Variants in OPALIN observed in about 807,000 individuals in gnomAD.
The protein encoded by OPALIN is oligodendrocytic myelin paranodal and inner loop protein.
OPALIN carries 15 observed loss-of-function variants against 17.8 expected under a neutral mutation model. The observed-to-expected ratio is 0.84, with a 90% CI of 0.56 to 1.29. The LOEUF (loss-of-function observed/expected upper bound fraction) is 1.29, where lower values mean the gene tolerates loss of function less well. Ranked by LOEUF, OPALIN falls within the 50% of genes most tolerant of loss-of-function variation. The pLI is 0.00. For synonymous variants in OPALIN, 62 were observed against 63.8 expected, an observed-to-expected ratio of 0.97 and a Z score of 0.14; for missense variants, 170 against 176.0, an observed-to-expected ratio of 0.97 and a Z score of 0.19.
chr10:96,351,523 T>C, intron 2 of OPALIN, 113 bp from the exon 3 acceptor site: 1 of 550,232 alleles, frequency 1.8e-6, no homozygotes, highest in South Asian at 3.6e-5. Context: ...ATCCCTTTGC[T>C]AAACTTTCTG....
At chr10:96,352,540 A>T (rs982798076) in intron 2 of OPALIN, among the ~76,000 whole-genome samples, 2 of 151,830 alleles carry the variant, frequency 1.3e-5, no homozygotes, top group Admixed American at 1.3e-4. Context: ...CCTAATCACA[A>T]TCTCCCCAAC....
At chr10:96,356,265 C>T (rs553050431) in intron 1 of OPALIN, among the ~76,000 whole-genome samples, 7 of 152,318 alleles carry the variant, frequency 4.6e-5, no homozygotes, top group African/African-American at 1.7e-4. Context: ...ACCACAGCTT[C>T]CCGTCTTTCC....
chr10:96,356,300 A>G (rs1480986170), intron 1 of OPALIN, among the ~76,000 whole-genome samples: 1 of 152,212 alleles, frequency 6.6e-6, no homozygotes, highest in Non-Finnish European at 1.5e-5. Context: ...AGATTCTGTC[A>G]TTGTAGAAAC....
rs772639220 is a variant in OPALIN at position 96,349,728 on chromosome 10, T to G, written c.171A>C (p.Arg57Ser). 43 of 1,614,018 alleles carry G rather than the reference T, an allele frequency of 2.7e-5. No individual in the cohort carries two copies. The highest frequency in any genetic ancestry group is 3.5e-5 in the Non-Finnish European group (41 of 1,179,938). ...TCACCTCCATGGCCTCAATGCTGCT[T>G]CTTCTTCGGTGAATCAAAGTAAATA... Reference protein sequence around the residue: ...ALLFTLIHRRRSSIEAMEESD... With the variant: ...ALLFTLIHRRSSSIEAMEESD... Residue 57 changes from arginine to serine, a missense_variant, in exon 4 of 6, where the codon AGA (arginine) becomes AGC (serine). Coordinates refer to ENST00000371172, the MANE Select transcript of OPALIN (RefSeq NM_033207.5).
chr10:96,356,969 T>TA, intron 1 of OPALIN: 3 of 985,444 alleles, frequency 3.0e-6, no homozygotes. Context: ...GCAACTCCAG[T>TA]AGTCTCTGTG....
intron 3 of OPALIN, 113 bp downstream of exon 3, chr10:96,351,265 A>T: frequency 1.4e-6 from 1 of 706,498 alleles, no homozygotes; most frequent in Non-Finnish European, 2.5e-6. Flanking sequence ...CTTGAGCCAG[A>T]TTCTGTGCTT....
intron 2 of OPALIN, among the ~76,000 whole-genome samples, chr10:96,352,547 C>CT (rs1196576279): frequency 1.3e-5 from 2 of 151,992 alleles, no homozygotes; most frequent in African/African-American, 2.4e-5. Context: ...ACAATCTCCC[C>CT]AACCCCTACC....
At chr10:96,354,694 TG>T (rs958688745) in intron 2 of OPALIN, among the ~76,000 whole-genome samples, 1 of 150,506 alleles carries the variant, frequency 6.6e-6, no homozygotes, top group Admixed American at 6.6e-5. Flanking sequence ...GGTGTTTTAT[TG>T]TTGTTGTTGT....
At chr10:96,354,538 G>A (rs893863312) in intron 2 of OPALIN, among the ~76,000 whole-genome samples, 4 of 151,988 alleles carry the variant, frequency 2.6e-5, no homozygotes, top group Non-Finnish European at 5.9e-5. Context: ...TAACAGTTAT[G>A]GTTATAAAGA....
chr10:96,352,863 T>C (rs918192099), intron 2 of OPALIN, among the ~76,000 whole-genome samples: 1 of 152,208 alleles, frequency 6.6e-6, no homozygotes, highest in African/African-American at 2.4e-5. Context: ...CTGCCTGTAC[T>C]GTTCTCTGAT....
At position 96,348,921 on chromosome 10, in the gene OPALIN, T is replaced by G. The variant is rs559369416; in HGVS notation, c.193-576A>C. 3.9e-5 allele frequency among the ~76,000 whole-genome samples: 6 copies of G among 152,332 alleles called. No homozygotes were observed. The East Asian group carries it at 1.2e-3, about 29-fold the overall frequency. On this transcript the variant is annotated intron_variant, in intron 4 of 5. Coordinates refer to ENST00000371172, the MANE Select transcript of OPALIN (RefSeq NM_033207.5). ...TTATCTCATTTCATCCTTATAACTT[T>G]CCCTACCTCTTAAAATAGGGAGGGT...
rs777904182 is a variant in OPALIN at position 96,345,968 on chromosome 10, C to T, written c.399G>A (p.Trp133Ter). The change falls in exon 6 of 6, where the codon TGG becomes TGA. Residue 133 changes from tryptophan to a stop codon, truncating the protein, a stop_gained. Coordinates refer to ENST00000371172, the MANE Select transcript of OPALIN (RefSeq NM_033207.5). LOFTEE classifies it high-confidence loss of function. ...IEMERRRGLW[W>*]LVPRLSLE is the part of the protein sequence containing the mutation. ...ATTCCAGGCTCAGTCTGGGCACAAG[C>T]CACCACAATCCCCTCCTTCTTTCCA... The T allele has an allele frequency of 6.2e-7, 1 of 1,614,150 alleles. No homozygotes were observed. Among genetic ancestry groups the T allele is most frequent in the Non-Finnish European group, 8.5e-7 (1 of 1,179,990 alleles).
Position 96,355,288 on chromosome 10 carries a change from ACT to A in OPALIN, c.4_5del (p.Ser2PhefsTer59), listed in dbSNP as rs1438545308. On this transcript the variant is annotated frameshift_variant and splice_region_variant, in exon 2 of 6. Transcript: ENST00000371172. LOFTEE classifies it high-confidence loss of function. Reference sequence around the variant, plus strand: ...CCGGCAGGGTGAAGTTCAGTGAAAAACTCTGCAAGATAGAAGTAAACATTAAA... The same window carrying A: ...CCGGCAGGGTGAAGTTCAGTGAAAAACTGCAAGATAGAAGTAAACATTAAA... M[S>X]FSLNFTLPAN... is the part of the protein sequence containing the mutation. The A allele has an allele frequency of 1.2e-6, 2 of 1,613,240 alleles. No homozygotes were observed. The highest frequency in any genetic ancestry group is 1.7e-6 in the Non-Finnish European group (2 of 1,179,794).
chr10:96,358,820 T>G, intron 1 of OPALIN, 74 bp downstream of exon 1: 2 of 1,460,214 alleles, frequency 1.4e-6, no homozygotes, highest in South Asian at 1.1e-5. Context: ...TCATTGTACA[T>G]TTAATTGAAT....
intron 2 of OPALIN, chr10:96,353,386 A>C: frequency 6.2e-7 from 1 of 1,609,392 alleles, no homozygotes. Context: ...CAGGCTACCC[A>C]GCTGCACTGA....
intron 5 of OPALIN, among the ~76,000 whole-genome samples, chr10:96,346,848 T>C (rs113195657): frequency 6.6e-6 from 1 of 152,188 alleles, no homozygotes; most frequent in Admixed American, 6.5e-5. Context: ...TTATTTTCCA[T>C]AAAGGTATTA....
chr10:96,349,815 G>C lies in OPALIN; in HGVS notation c.84C>G (p.Pro28=). Residue 28 remains proline, a synonymous_variant, in exon 4 of 6, where the codon CCC becomes CCG. Transcript: ENST00000371172. ...VTGGKETDCG[P]SLGLAAGIPL... is the part of the protein sequence containing the mutation. ...GTATGCCCGCCGCTAATCCAAGAGA[G>C]GGCCCACAGTCCTGGCACAGAATGA... is the stretch of plus-strand genomic sequence containing the variant. 6.2e-7 allele frequency: 1 copy of C among 1,613,570 alleles called. No homozygotes were observed. Among genetic ancestry groups the C allele is most frequent in the South Asian group, 1.1e-5 (1 of 91,006 alleles).
intron 1 of OPALIN, 99 bp from the exon 2 acceptor site, chr10:96,355,389 A>G (rs1845777497): frequency 9.1e-7 from 1 of 1,097,140 alleles, no homozygotes; most frequent in Non-Finnish European, 1.4e-6. Context: ...CCGAGAGGTC[A>G]TTGATCCTAT....
At chr10:96,346,361 C>T (rs1396781709) in intron 5 of OPALIN, among the ~76,000 whole-genome samples, 1 of 152,172 alleles carries the variant, frequency 6.6e-6, no homozygotes, top group Non-Finnish European at 1.5e-5. Flanking sequence ...GCTTTCAGGC[C>T]ACTCAACTAT....
Sources: gnomAD v4.1 joint callset for allele counts (sites outside exome capture counted in the v4.1 genomes callset) on GRCh38, gnomAD v4.1.1 for gene constraint, MANE v1.5 for transcripts, NCBI Gene and HGNC (gene_info 2026-07-23, HGNC 2026-07-21) for gene names.